The following NRXN3 variants were observed in gnomAD, a reference collection of about 807,000 sequenced individuals.
NRXN3 encodes neurexin 3, also known as neurexin III.
A neutral mutation model predicts 137.6 loss-of-function variants in NRXN3; 32 were observed. The observed-to-expected ratio is 0.23, with a 90% CI of 0.18 to 0.31. The LOEUF (loss-of-function observed/expected upper bound fraction) is 0.31, where lower values mean the gene tolerates loss of function less well. NRXN3 is among the 10% of genes least tolerant of loss of function. NRXN3 has a pLI of 1.00. For synonymous variants in NRXN3, 798 were observed against 784.5 expected (o/e 1.02, Z -0.29); for missense variants, 1,574 against 2,062.5 (o/e 0.76, Z 4.59).
chr14:78,627,159 G>T (rs2097472256), intron 4 of NRXN3, among the ~76,000 whole-genome samples: 1 of 118,226 alleles, frequency 8.5e-6, no homozygotes, highest in Admixed American at 1.1e-4. Flanking sequence ...TTATTAGACT[G>T]CTCTGCATCA....
At chr14:79,673,216 C>T (rs186063796) in intron 17 of NRXN3, among the ~76,000 whole-genome samples, 76 of 152,178 alleles carry the variant, frequency 5.0e-4, no homozygotes, top group Non-Finnish European at 7.4e-5. Context: ...ATGGAGTTAA[C>T]ATGAATTTGA....
At chr14:79,095,052 T>C (rs2050040580) in intron 15 of NRXN3, among the ~76,000 whole-genome samples, 1 of 150,842 alleles carries the variant, frequency 6.6e-6, no homozygotes, top group Admixed American at 6.6e-5. Flanking sequence ...GACAGGTCAT[T>C]TTGTTGAATG....
intron 16 of NRXN3, among the ~76,000 whole-genome samples, chr14:79,472,500 T>C (rs564414158): frequency 6.6e-6 from 1 of 152,318 alleles, no homozygotes; most frequent in South Asian, 2.1e-4. Flanking sequence ...TTATAAACTG[T>C]TATATTAATA....
chr14:78,246,567 C>T (rs1172219259), intron 2 of NRXN3, among the ~76,000 whole-genome samples: 2 of 152,090 alleles, frequency 1.3e-5, no homozygotes, highest in Non-Finnish European at 2.9e-5. Flanking sequence ...GAGGATGTTG[C>T]GGGAGGTAAC....
At chr14:78,592,240 A>G (rs571672447) in intron 4 of NRXN3, among the ~76,000 whole-genome samples, 1 of 152,196 alleles carries the variant, frequency 6.6e-6, no homozygotes, top group Non-Finnish European at 1.5e-5. Flanking sequence ...ATGGCAAGTG[A>G]TTTCTTTTTA....
intron 19 of NRXN3, among the ~76,000 whole-genome samples, chr14:79,777,713 CA>C: frequency 6.6e-6 from 1 of 151,610 alleles, no homozygotes; most frequent in Admixed American, 6.6e-5. Flanking sequence ...TTGTCTGGTC[CA>C]AAGCCAGTAA....
chr14:79,787,535 C>T (rs973009872), intron 19 of NRXN3, among the ~76,000 whole-genome samples: 1 of 152,194 alleles, frequency 6.6e-6, no homozygotes, highest in African/African-American at 2.4e-5. Flanking sequence ...CAACCAACAT[C>T]TCCTCATTCC....
chr14:78,226,282 C>T (rs561422934), intron 1 of NRXN3, among the ~76,000 whole-genome samples: 2 of 152,168 alleles, frequency 1.3e-5, no homozygotes, highest in South Asian at 2.1e-4. Flanking sequence ...GGATTACAGG[C>T]GTGAGCCACC....
chr14:79,131,863 T>C (rs1003503571), intron 15 of NRXN3, among the ~76,000 whole-genome samples: 4 of 152,142 alleles, frequency 2.6e-5, no homozygotes, highest in Non-Finnish European at 5.9e-5. Flanking sequence ...GAGCCAGGTG[T>C]GGGATATAAT....
chr14:79,544,737 G>T (rs2097303542), intron 16 of NRXN3, among the ~76,000 whole-genome samples: 1 of 152,192 alleles, frequency 6.6e-6, no homozygotes, highest in African/African-American at 2.4e-5. Context: ...TAGATGAGTG[G>T]TTCTCAAAGT....
intron 15 of NRXN3, among the ~76,000 whole-genome samples, chr14:79,018,273 AAAAAAAAAAAAAAAAAAAAAAAAG>A (rs371866924): frequency 0.34 from 43,585 of 126,620 alleles, 8,649 homozygotes; most frequent in Admixed American, 0.49. Context: ...AAAAAAAAAA[AAAAAAAAAAAAAAAAAAAAAAAAG>A]AGAGAGAGCA....
intron 16 of NRXN3, among the ~76,000 whole-genome samples, chr14:79,577,616 T>A (rs190000897): frequency 1.3e-5 from 2 of 152,332 alleles, no homozygotes; most frequent in Admixed American, 1.3e-4. Flanking sequence ...ACTATGTATA[T>A]GTGTGTGTTT....
At chr14:79,476,486 G>T (rs1350007121) in intron 16 of NRXN3, among the ~76,000 whole-genome samples, 1 of 152,064 alleles carries the variant, frequency 6.6e-6, no homozygotes, top group Non-Finnish European at 1.5e-5. Flanking sequence ...GAAATGAGTT[G>T]TCATTAAGGC....
intron 11 of NRXN3, among the ~76,000 whole-genome samples, chr14:78,965,641 T>C (rs1442374909): frequency 1.3e-5 from 2 of 152,216 alleles, no homozygotes; most frequent in African/African-American, 4.8e-5. Flanking sequence ...TACTTGGTAG[T>C]GATGCCCAAG....
chr14:78,266,540 G>A (rs192559630), intron 2 of NRXN3, among the ~76,000 whole-genome samples: 42 of 152,038 alleles, frequency 2.8e-4, no homozygotes, highest in Admixed American at 1.8e-3. Flanking sequence ...CTCATGATCC[G>A]CCCACCTTGG....
chr14:79,554,977 A>T (rs576570655), intron 16 of NRXN3, among the ~76,000 whole-genome samples: 1 of 152,188 alleles, frequency 6.6e-6, no homozygotes, highest in Non-Finnish European at 1.5e-5. Flanking sequence ...GACATCATCA[A>T]ATTAAGTGTA....
At chr14:78,451,424 G>A (rs1334276793) in intron 4 of NRXN3, among the ~76,000 whole-genome samples, 1 of 152,212 alleles carries the variant, frequency 6.6e-6, no homozygotes, top group Non-Finnish European at 1.5e-5. Flanking sequence ...CTGACACTTG[G>A]TATGTGTTCT....
At chr14:78,232,535 G>C (rs1474295252) in intron 1 of NRXN3, among the ~76,000 whole-genome samples, 1 of 152,160 alleles carries the variant, frequency 6.6e-6, no homozygotes, top group Non-Finnish European at 1.5e-5. Flanking sequence ...GCGAAAGCTG[G>C]ATAAGATTGT....
intron 10 of NRXN3, among the ~76,000 whole-genome samples, chr14:78,862,105 A>G (rs2099073958): frequency 6.6e-6 from 1 of 152,134 alleles, no homozygotes; most frequent in African/African-American, 2.4e-5. Context: ...GAGGAATATG[A>G]ATCAGAACAA....
Sources: gnomAD v4.1 joint callset for allele counts (sites outside exome capture counted in the v4.1 genomes callset) on GRCh38, gnomAD v4.1.1 for gene constraint, MANE v1.5 for transcripts, NCBI Gene and HGNC (gene_info 2026-07-23, HGNC 2026-07-21) for gene names.